The following RTN3 variants were observed in gnomAD, a reference collection of about 807,000 sequenced individuals.
The protein encoded by RTN3 is reticulon-3.
Under a neutral mutation model 77.8 loss-of-function variants are expected in RTN3, and 49 were observed. The observed-to-expected ratio is 0.63, with a 90% CI of 0.50 to 0.80. RTN3 has a LOEUF of 0.80. RTN3 is among the 30% of genes least tolerant of loss of function. The pLI is 0.00. For missense variants in RTN3, 1,236 were observed against 1,211.9 expected, an observed-to-expected ratio of 1.02 and a Z score of -0.29; for synonymous variants, 464 against 446.9, an observed-to-expected ratio of 1.04 and a Z score of -0.48.
intron 1 of RTN3, among the ~76,000 whole-genome samples, chr11:63,697,302 T>A (rs1013767988): frequency 2.6e-4 from 40 of 151,842 alleles, no homozygotes; most frequent in Non-Finnish European, 5.1e-4. Flanking sequence ...CTTATGCTTT[T>A]TTTTTATTTT....
intron 1 of RTN3, among the ~76,000 whole-genome samples, chr11:63,703,414 G>A (rs1942342462): frequency 6.6e-6 from 1 of 152,100 alleles, no homozygotes; most frequent in Non-Finnish European, 1.5e-5. Flanking sequence ...AACTTTAGGG[G>A]CCGTGCTAGT....
intron 7 of RTN3, among the ~76,000 whole-genome samples, chr11:63,755,697 T>C (rs902952122): frequency 4.2e-5 from 6 of 142,268 alleles, no homozygotes; most frequent in South Asian, 4.5e-4. Flanking sequence ...CAGTGGCTCA[T>C]GCCTGTAATC....
chr11:63,694,563 C>T (rs1204261885), intron 1 of RTN3, among the ~76,000 whole-genome samples: 1 of 152,090 alleles, frequency 6.6e-6, no homozygotes, highest in Non-Finnish European at 1.5e-5. Flanking sequence ...ACGTCCATGT[C>T]CTGGGCTCAA....
At position 63,758,743 on chromosome 11, in the gene RTN3, A is replaced by G. The variant is rs750292892; in HGVS notation, c.*542A>G. On this transcript the variant is annotated 3_prime_UTR_variant, in exon 9 of 9. Coordinates refer to ENST00000377819, the MANE Select transcript of RTN3 (RefSeq NM_001265589.2). ...ACTCCTTTTCTTTAATGATTTAACTATCAACTTGATAAATAACTTATAGGT... is the reference window on the plus strand; with the variant it reads ...ACTCCTTTTCTTTAATGATTTAACTGTCAACTTGATAAATAACTTATAGGT... 2.7e-5 allele frequency: 5 copies of G among 184,178 alleles called. No individual in the cohort carries two copies. The highest frequency in any genetic ancestry group is 1.4e-4 in the East Asian group (1 of 7,278). 11.4% of individuals were successfully genotyped at this position (184,178 alleles called of 1,614,324 possible).
chr11:63,684,861 A>G (rs978598444), intron 1 of RTN3, among the ~76,000 whole-genome samples: 1 of 152,044 alleles, frequency 6.6e-6, no homozygotes, highest in Admixed American at 6.6e-5. Flanking sequence ...CTGGGCTCAA[A>G]CCATTCTCCC....
At chr11:63,688,742 G>A (rs1941503610) in intron 1 of RTN3, among the ~76,000 whole-genome samples, 1 of 152,000 alleles carries the variant, frequency 6.6e-6, no homozygotes, top group South Asian at 2.1e-4. Flanking sequence ...CAATATTACT[G>A]CTTTTATCAA....
chr11:63,695,663 C>T (rs1259596424), intron 1 of RTN3, among the ~76,000 whole-genome samples: 2 of 152,230 alleles, frequency 1.3e-5, no homozygotes, highest in African/African-American at 4.8e-5. Context: ...AAAGCCATCA[C>T]TCCAGTCTAA....
intron 3 of RTN3, among the ~76,000 whole-genome samples, chr11:63,741,668 C>T (rs1235570204): frequency 6.6e-6 from 1 of 151,414 alleles, no homozygotes; most frequent in Non-Finnish European, 1.5e-5. Context: ...GCCCAGCTAA[C>T]TTATGTGTTT....
At position 63,700,591 on chromosome 11, in the gene RTN3, C is replaced by T. The variant is rs540724558; in HGVS notation, c.143-4260C>T. Reference sequence around the variant, plus strand: ...GAGCCACCTCACCTGACCTGTTTCCCTGCCCCCATCCTTTTTATTTTTTTT... The same window carrying T: ...GAGCCACCTCACCTGACCTGTTTCCTTGCCCCCATCCTTTTTATTTTTTTT... On this transcript the variant is annotated intron_variant, in intron 1 of 8. Transcript: ENST00000377819. 2.6e-5 allele frequency among the ~76,000 whole-genome samples: 4 copies of T among 151,268 alleles called. No individual in the cohort carries two copies. The South Asian group carries it at 8.3e-4, about 32-fold the overall frequency.
chr11:63,758,808 A>G lies in RTN3; in HGVS notation c.*607A>G, dbSNP rs2014520257. On this transcript the variant is annotated 3_prime_UTR_variant, in exon 9 of 9. Transcript: ENST00000377819. ...CTGATTCCAAGAATGCCATCTGATA[A>G]AAAAGAATAGAAATGGAAAGTGGGA... 6.4e-6 allele frequency: 1 copy of G among 155,224 alleles called. No individual in the cohort carries two copies. The highest frequency in any genetic ancestry group is 2.4e-5 in the African/African-American group (1 of 41,568). The allele number at this position is 155,224 out of a possible 1,614,324, so 9.6% of individuals were successfully genotyped here.
Position 63,759,868 on chromosome 11 carries a change from TAAAAA to T in RTN3, c.*1677_*1681del, listed in dbSNP as rs201753132. 2 of 139,942 alleles carry T rather than the reference TAAAAA, an allele frequency of 1.4e-5. No homozygotes were observed. Among genetic ancestry groups the T allele is most frequent in the Non-Finnish European group, 3.1e-5 (2 of 63,806 alleles). 8.7% of individuals were successfully genotyped at this position (139,942 alleles called of 1,614,324 possible). On this transcript the variant is annotated 3_prime_UTR_variant, in exon 9 of 9. Coordinates refer to ENST00000377819, the MANE Select transcript of RTN3 (RefSeq NM_001265589.2). ...AAATTTCAAATTGATGTGGTATTAA[TAAAAA>T]AAAAAAAAACACAAACAATGACTGT...
rs752309704 is a variant in RTN3, at chr11:63,719,794, T to C, written c.1292T>C (p.Phe431Ser). Reference protein sequence around the residue: ...VPDSLNSTKEFSIKGVQGNMQ... With the variant: ...VPDSLNSTKESSIKGVQGNMQ... ...GACTCTTTGAATTCCACAAAAGAATTCAGTATCAAAGGTGTGCAAGGCAAT... is the reference window on the plus strand; with the variant it reads ...GACTCTTTGAATTCCACAAAAGAATCCAGTATCAAAGGTGTGCAAGGCAAT... The change falls in exon 3 of 9, where the codon TTC (phenylalanine) becomes TCC (serine). Residue 431 changes from phenylalanine to serine, a missense_variant. Physicochemically the swap from Phe to Ser is radical, Grantham distance 155 (BLOSUM62 -2). Coordinates refer to ENST00000377819, the MANE Select transcript of RTN3 (RefSeq NM_001265589.2). 6.2e-7 allele frequency: 1 copy of C among 1,614,044 alleles called. No homozygotes were observed. The highest frequency in any genetic ancestry group is 1.7e-5 in the Admixed American group (1 of 59,994).
At chr11:63,691,228 C>T (rs1278586877) in intron 1 of RTN3, among the ~76,000 whole-genome samples, 1 of 143,894 alleles carries the variant, frequency 6.9e-6, no homozygotes, top group Non-Finnish European at 1.5e-5. Flanking sequence ...TCAAGCGATT[C>T]TCCTGCTTCA....
intron 4 of RTN3, among the ~76,000 whole-genome samples, chr11:63,752,151 T>C (rs966142086): frequency 6.6e-6 from 1 of 150,450 alleles, no homozygotes; most frequent in Admixed American, 6.6e-5. Context: ...CTCCAGGATA[T>C]GTTAATGTTA....
At position 63,759,457 on chromosome 11, in the gene RTN3, T is replaced by C. The variant is rs1306938799; in HGVS notation, c.*1256T>C. ...AATTGTCTACGTGTCTTGGAAAAAT[T>C]AGTTAGGAATTTGGATGGGTAAAAG... On this transcript the variant is annotated 3_prime_UTR_variant, in exon 9 of 9. Transcript: ENST00000377819. 6.6e-6 allele frequency: 1 copy of C among 152,428 alleles called. No homozygotes were observed. The highest frequency in any genetic ancestry group is 1.5e-5 in the Non-Finnish European group (1 of 68,006). 9.4% of individuals were successfully genotyped at this position (152,428 alleles called of 1,614,324 possible). A position where few individuals can be genotyped will look rare whatever the true frequency, so the allele number is the denominator to read the frequency against.
At chr11:63,691,417 G>A (rs559966053) in intron 1 of RTN3, among the ~76,000 whole-genome samples, 3 of 152,042 alleles carry the variant, frequency 2.0e-5, no homozygotes, top group Admixed American at 6.6e-5. Flanking sequence ...TACTGCGTCC[G>A]ACCTAATTAT....
At position 63,705,385 on chromosome 11, in the gene RTN3, T is replaced by TG. The variant is rs550504573; in HGVS notation, c.199+481dup. Among the ~76,000 whole-genome samples the TG allele has an allele frequency of 6.6e-5, 10 of 152,138 alleles. No individual in the cohort carries two copies. The South Asian group carries it at 1.5e-3, about 22-fold the overall frequency. ...GTCCCAGCTACTCAGGAGGCTGAGG[T>TG]GGGAGGATTGCTTGAGCCCAGGGGC... On this transcript the variant is annotated intron_variant, in intron 2 of 8. Transcript: ENST00000377819.
chr11:63,758,126 T>G (rs749783738), intron 8 of RTN3, 30 bp from the exon 9 acceptor site: 1 of 1,460,784 alleles, frequency 6.8e-7, no homozygotes, highest in Non-Finnish European at 9.4e-7. Context: ...GTTTTCACTT[T>G]CTTTCTTTTT....
chr11:63,729,436 C>CTTTTTTTTTTT lies in RTN3; in HGVS notation c.2530+8417_2530+8427dup, dbSNP rs1177025902. ...GACTGTACTATAGCAAAGGTTTCTG[C>CTTTTTTTTTTT]TTTTTTTTTTTTTTTTTTTTTTTGT... On this transcript the variant is annotated intron_variant, in intron 3 of 8. Coordinates refer to ENST00000377819, the MANE Select transcript of RTN3 (RefSeq NM_001265589.2). 3.1e-4 allele frequency among the ~76,000 whole-genome samples: 10 copies of CTTTTTTTTTTT among 32,072 alleles called. 2 individuals carry two copies. Among genetic ancestry groups the CTTTTTTTTTTT allele is most frequent in the African/African-American group, 6.1e-4 (4 of 6,596 alleles). 21.0% of individuals were successfully genotyped at this position (32,072 alleles called of 152,430 possible). A position where few individuals can be genotyped will look rare whatever the true frequency, so the allele number is the denominator to read the frequency against.
Sources: allele counts gnomAD v4.1 joint callset (sites outside exome capture counted in the v4.1 genomes callset), GRCh38; gene constraint gnomAD v4.1.1; transcripts MANE v1.5; gene names NCBI Gene and HGNC (gene_info 2026-07-23, HGNC 2026-07-21).